Variants in RBMS3 observed in about 807,000 individuals in gnomAD.
The protein encoded by RBMS3 is RNA binding motif single stranded interacting protein 3, also known as RNA-binding motif, single-stranded-interacting protein 3.
In RBMS3, 27 loss-of-function variants were observed where a neutral mutation model predicts 66.8. The ratio of observed to expected loss-of-function variants is 0.40; its 90% CI spans 0.30 to 0.56. RBMS3 has a LOEUF of 0.56. Among genes scored for constraint, RBMS3 ranks in the 20% least tolerant of loss-of-function variants. RBMS3 has a pLI of 0.40. For missense variants in RBMS3, 513 were observed against 549.5 expected (o/e 0.93, Z 0.66); for synonymous variants, 188 against 183.0 (o/e 1.03, Z -0.22).
At chr3:29,507,623 C>T (rs1314107804) in intron 3 of RBMS3, among the ~76,000 whole-genome samples, 1 of 152,106 alleles carries the variant, frequency 6.6e-6, no homozygotes, top group African/African-American at 2.4e-5. Flanking sequence ...CTCCTCTGCA[C>T]TGTGACTTCT....
chr3:29,816,426 T>C (rs2149467272), intron 6 of RBMS3, among the ~76,000 whole-genome samples: 1 of 152,180 alleles, frequency 6.6e-6, no homozygotes, highest in African/African-American at 2.4e-5. Flanking sequence ...TCTGGTTGTA[T>C]GCCCAAGAGA....
At chr3:29,824,152 C>T (rs1220286259) in intron 6 of RBMS3, among the ~76,000 whole-genome samples, 1 of 132,246 alleles carries the variant, frequency 7.6e-6, no homozygotes, top group Non-Finnish European at 1.6e-5. Flanking sequence ...GTGTTGAAAT[C>T]CTAACCTCCA....
intron 1 of RBMS3, among the ~76,000 whole-genome samples, chr3:29,383,311 G>T (rs1204083650): frequency 1.3e-5 from 2 of 152,184 alleles, no homozygotes; most frequent in African/African-American, 4.8e-5. Context: ...CTCGTCACTT[G>T]TCTATGTAGG....
intron 4 of RBMS3, among the ~76,000 whole-genome samples, chr3:29,597,427 A>G (rs1267995656): frequency 6.6e-6 from 1 of 152,172 alleles, no homozygotes; most frequent in East Asian, 1.9e-4. Context: ...GCTGTTCACA[A>G]ATGCATACAG....
At position 29,307,671 on chromosome 3, in the gene RBMS3, T is replaced by C. The variant is rs531565325; in HGVS notation, c.75+25915T>C. Among the ~76,000 whole-genome samples, 44 of 151,936 alleles carry C rather than the reference T, an allele frequency of 2.9e-4. No homozygotes were observed. The South Asian group carries it at 8.1e-3, about 28-fold the overall frequency. Reference sequence around the variant, plus strand: ...TGTAGTAAGTGGCTGCCTTTGATTGTAGGATTTCAAGAAAAAATAAAAGAA... The same window carrying C: ...TGTAGTAAGTGGCTGCCTTTGATTGCAGGATTTCAAGAAAAAATAAAAGAA... On this transcript the variant is annotated intron_variant, in intron 1 of 14. Transcript: ENST00000383767.
chr3:29,957,719 C>T (rs1696132180), intron 12 of RBMS3, among the ~76,000 whole-genome samples: 1 of 152,124 alleles, frequency 6.6e-6, no homozygotes, highest in South Asian at 2.1e-4. Context: ...CCATCATATT[C>T]ATTTATCTTA....
chr3:29,515,898 A>C (rs2044601470), intron 3 of RBMS3, among the ~76,000 whole-genome samples: 1 of 152,234 alleles, frequency 6.6e-6, no homozygotes, highest in South Asian at 2.1e-4. Flanking sequence ...GTGGGTTCTT[A>C]ATACCCAAAT....
At chr3:29,501,888 G>A (rs558969166) in intron 3 of RBMS3, among the ~76,000 whole-genome samples, 3 of 152,142 alleles carry the variant, frequency 2.0e-5, no homozygotes, top group Admixed American at 6.6e-5. Flanking sequence ...ATGAGTAAAC[G>A]AAGAGCTGTG....
intron 12 of RBMS3, among the ~76,000 whole-genome samples, chr3:29,963,828 CAA>C (rs759079889): frequency 4.9e-5 from 6 of 121,650 alleles, no homozygotes; most frequent in Admixed American, 8.7e-5. Flanking sequence ...CTGCCCCCTC[CAA>C]AAAAAAAAAA....
chr3:29,812,204 T>C (rs1482307260), intron 6 of RBMS3, among the ~76,000 whole-genome samples: 3 of 152,100 alleles, frequency 2.0e-5, no homozygotes, highest in African/African-American at 7.2e-5. Context: ...TGTGATAAAA[T>C]TTTTGGATAC....
chr3:29,868,706 A>G, intron 6 of RBMS3, 152 bp from the exon 7 acceptor site: 1 of 652,594 alleles, frequency 1.5e-6, no homozygotes, highest in Non-Finnish European at 2.6e-6. Context: ...ACAGCGGCCA[A>G]CAGAGCTGAG....
At chr3:29,707,443 C>A (rs1056032108) in intron 4 of RBMS3, among the ~76,000 whole-genome samples, 1 of 152,104 alleles carries the variant, frequency 6.6e-6, no homozygotes, top group Non-Finnish European at 1.5e-5. Context: ...ATTTTCCAGA[C>A]CTGTTAATTT....
At chr3:29,763,964 C>T (rs2055811482) in intron 6 of RBMS3, among the ~76,000 whole-genome samples, 1 of 151,952 alleles carries the variant, frequency 6.6e-6, no homozygotes, top group Non-Finnish European at 1.5e-5. Context: ...ATTTCAATAC[C>T]GTTTGCTGTA....
chr3:29,363,133 C>T (rs1197632353), intron 1 of RBMS3, among the ~76,000 whole-genome samples: 1 of 152,152 alleles, frequency 6.6e-6, no homozygotes, highest in African/African-American at 2.4e-5. Context: ...AACTTGGCCT[C>T]TCTCCATGCT....
At chr3:29,981,633 A>G (rs1010383956) in intron 12 of RBMS3, among the ~76,000 whole-genome samples, 1 of 152,170 alleles carries the variant, frequency 6.6e-6, no homozygotes, top group Non-Finnish European at 1.5e-5. Flanking sequence ...GGTTTTTAGC[A>G]TGAAGGGCTA....
chr3:29,609,319 G>A (rs1348422116), intron 4 of RBMS3, among the ~76,000 whole-genome samples: 2 of 151,922 alleles, frequency 1.3e-5, no homozygotes, highest in South Asian at 2.1e-4. Flanking sequence ...TGGCAGTATG[G>A]CACTGTCAAT....
At chr3:29,659,059 T>C (rs565404392) in intron 4 of RBMS3, among the ~76,000 whole-genome samples, 2 of 152,216 alleles carry the variant, frequency 1.3e-5, no homozygotes, top group South Asian at 4.1e-4. Flanking sequence ...CCTCGTAATC[T>C]GCCCGCCTCA....
chr3:29,878,206 G>A (rs1199561461), intron 7 of RBMS3, among the ~76,000 whole-genome samples: 1 of 152,044 alleles, frequency 6.6e-6, no homozygotes, highest in Non-Finnish European at 1.5e-5. Context: ...GGTAGTGCTC[G>A]CTTGCCTGCT....
At chr3:29,366,709 G>A (rs1254376923) in intron 1 of RBMS3, among the ~76,000 whole-genome samples, 1 of 152,128 alleles carries the variant, frequency 6.6e-6, no homozygotes, top group Non-Finnish European at 1.5e-5. Context: ...AGGGAATGCG[G>A]TATCTCTGGG....
Sources: allele counts gnomAD v4.1 joint callset (sites outside exome capture counted in the v4.1 genomes callset), GRCh38; gene constraint gnomAD v4.1.1; transcripts MANE v1.5; gene names NCBI Gene and HGNC (gene_info 2026-07-23, HGNC 2026-07-21).